The following PLCB4 variants were observed in gnomAD, a reference collection of about 807,000 sequenced individuals.
The protein encoded by PLCB4 is phospholipase C beta 4.
PLCB4 carries 77 observed loss-of-function variants against 178.8 expected under a neutral mutation model. That is an observed-to-expected ratio of 0.43 (90% CI 0.36 to 0.52). The LOEUF is 0.52. Among genes scored for constraint, PLCB4 ranks in the 20% least tolerant of loss-of-function variants. PLCB4 has a pLI of 0.00. For synonymous variants in PLCB4, 496 were observed against 490.8 expected (o/e 1.01, Z -0.14); for missense variants, 1,024 against 1,453.4 (o/e 0.70, Z 4.80).
chr20:9,441,910 C>CT (rs11476975), intron 30 of PLCB4, among the ~76,000 whole-genome samples: 46 of 148,860 alleles, frequency 3.1e-4, no homozygotes, highest in Non-Finnish European at 4.5e-4. Context: ...ACCAACACGA[C>CT]TTTTTTTTTT....
chr20:9,448,913 A>G (rs1319215984), intron 32 of PLCB4, among the ~76,000 whole-genome samples: 2 of 152,156 alleles, frequency 1.3e-5, no homozygotes, highest in Non-Finnish European at 2.9e-5. Context: ...ATTTGCAAAT[A>G]GGTGTGCAAT....
intron 3 of PLCB4, among the ~76,000 whole-genome samples, chr20:9,241,886 G>T (rs140743264): frequency 6.6e-6 from 1 of 152,298 alleles, no homozygotes; most frequent in East Asian, 1.9e-4. Context: ...GCTTACTCAT[G>T]CATCTGTGGT....
intron 15 of PLCB4, 126 bp downstream of exon 15, chr20:9,387,682 A>G (rs537017418): frequency 5.9e-6 from 3 of 509,220 alleles, no homozygotes; most frequent in Non-Finnish European, 1.0e-5. Flanking sequence ...CCCTTCTTCC[A>G]GTCTTGAGGA....
chr20:9,100,277 G>A (rs2091092041), intron 2 of PLCB4, among the ~76,000 whole-genome samples: 1 of 152,214 alleles, frequency 6.6e-6, no homozygotes, highest in Admixed American at 6.5e-5. Context: ...AATGGAAACA[G>A]CCTTCCCATG....
chr20:9,365,652 A>G (rs2035713778), intron 9 of PLCB4, 138 bp downstream of exon 9: 1 of 515,512 alleles, frequency 1.9e-6, no homozygotes, highest in African/African-American at 2.0e-5. Context: ...AATTGCTTTG[A>G]CAAATGCTAT....
intron 2 of PLCB4, among the ~76,000 whole-genome samples, chr20:9,202,571 G>A (rs1396205505): frequency 6.6e-6 from 1 of 151,962 alleles, no homozygotes; most frequent in African/African-American, 2.4e-5. Context: ...ATGGACTTTG[G>A]CTCTGATGTC....
At chr20:9,406,314 C>A (rs892814670) in intron 21 of PLCB4, among the ~76,000 whole-genome samples, 5 of 151,966 alleles carry the variant, frequency 3.3e-5, no homozygotes, top group Non-Finnish European at 7.4e-5. Context: ...ATGGAAGGAA[C>A]GGACATGGCC....
intron 2 of PLCB4, among the ~76,000 whole-genome samples, chr20:9,201,932 A>G (rs2093552155): frequency 6.6e-6 from 1 of 152,224 alleles, no homozygotes; most frequent in Non-Finnish European, 1.5e-5. Context: ...TCTGTACACT[A>G]GTGTTTATGG....
At chr20:9,427,614 G>T (rs942996128) in intron 28 of PLCB4, among the ~76,000 whole-genome samples, 1 of 152,194 alleles carries the variant, frequency 6.6e-6, no homozygotes, top group Admixed American at 6.5e-5. Flanking sequence ...CAACGCCACC[G>T]TAGATGGCAT....
chr20:9,274,204 A>T (rs1601554161), intron 3 of PLCB4, among the ~76,000 whole-genome samples: 3 of 152,160 alleles, frequency 2.0e-5, no homozygotes, highest in African/African-American at 7.2e-5. Flanking sequence ...GAAAAGGCAC[A>T]TTAAATGTTA....
At chr20:9,256,991 T>C (rs528954240) in intron 3 of PLCB4, among the ~76,000 whole-genome samples, 1 of 152,142 alleles carries the variant, frequency 6.6e-6, no homozygotes, top group Non-Finnish European at 1.5e-5. Flanking sequence ...GGAGGATGAT[T>C]CCATCTAAGA....
At chr20:9,328,852 G>A (rs1400253471) in intron 4 of PLCB4, among the ~76,000 whole-genome samples, 2 of 152,216 alleles carry the variant, frequency 1.3e-5, no homozygotes, top group Non-Finnish European at 2.9e-5. Flanking sequence ...AAGTTTAATA[G>A]ACAAAAGAAA....
intron 25 of PLCB4, among the ~76,000 whole-genome samples, chr20:9,414,072 C>A (rs1045095011): frequency 6.6e-5 from 10 of 152,184 alleles, no homozygotes; most frequent in Non-Finnish European, 1.3e-4. Context: ...TTTGTAAATG[C>A]GTTCATTTAT....
chr20:9,174,551 A>G (rs2093122957), intron 2 of PLCB4, among the ~76,000 whole-genome samples: 1 of 151,184 alleles, frequency 6.6e-6, no homozygotes, highest in African/African-American at 2.4e-5. Flanking sequence ...CCTACTAATT[A>G]AGATGTTTCT....
chr20:9,174,352 G>A (rs1381882811), intron 2 of PLCB4, among the ~76,000 whole-genome samples: 5 of 151,288 alleles, frequency 3.3e-5, no homozygotes, highest in African/African-American at 9.7e-5. Context: ...TACTATGTTG[G>A]CCAATCTGGT....
chr20:9,274,974 A>G (rs2094438428), intron 3 of PLCB4, among the ~76,000 whole-genome samples: 1 of 152,112 alleles, frequency 6.6e-6, no homozygotes, highest in Admixed American at 6.6e-5. Flanking sequence ...AATCTTTCCA[A>G]TTCAGAACTC....
intron 3 of PLCB4, among the ~76,000 whole-genome samples, chr20:9,245,356 C>T (rs934204905): frequency 6.6e-6 from 1 of 152,058 alleles, no homozygotes; most frequent in Non-Finnish European, 1.5e-5. Flanking sequence ...AAAAAGGGCT[C>T]ACAAAATCCA....
At chr20:9,294,156 C>T (rs953408983) in intron 3 of PLCB4, among the ~76,000 whole-genome samples, 4 of 151,958 alleles carry the variant, frequency 2.6e-5, no homozygotes, top group African/African-American at 9.7e-5. Flanking sequence ...TTCCTGAGTT[C>T]TTAGGAGAAA....
chr20:9,450,597 A>G (rs1389113909), intron 32 of PLCB4, among the ~76,000 whole-genome samples: 1 of 151,738 alleles, frequency 6.6e-6, no homozygotes, highest in Non-Finnish European at 1.5e-5. Flanking sequence ...TGCATCTCAT[A>G]AGCAACTCAT....
Sources: allele counts gnomAD v4.1 joint callset (sites outside exome capture counted in the v4.1 genomes callset), GRCh38; gene constraint gnomAD v4.1.1; transcripts MANE v1.5; gene names NCBI Gene and HGNC (gene_info 2026-07-23, HGNC 2026-07-21).